PRKD1: variants seen among roughly 807,000 people sequenced by gnomAD.
PRKD1 encodes the protein serine/threonine-protein kinase D1.
Under a neutral mutation model 95.9 loss-of-function variants are expected in PRKD1, and 63 were observed. That is an observed-to-expected ratio of 0.66 (90% confidence interval 0.54 to 0.81). The LOEUF is 0.81. Ranked by LOEUF, PRKD1 falls within the 30% of genes least tolerant of loss-of-function variation. The pLI is 0.00. For missense variants in PRKD1, 1,048 were observed against 1,165.3 expected (o/e 0.90, Z 1.47); for synonymous variants, 425 against 423.1 (o/e 1.00, Z -0.05).
chr14:29,716,753 A>C (rs1300938760), intron 2 of PRKD1, among the ~76,000 whole-genome samples: 4 of 152,224 alleles, frequency 2.6e-5, no homozygotes, highest in Non-Finnish European at 4.4e-5. Context: ...ATGGTTGGGA[A>C]AACTGATTCA....
At chr14:29,841,239 G>A (rs1416020213) in intron 1 of PRKD1, among the ~76,000 whole-genome samples, 3 of 152,206 alleles carry the variant, frequency 2.0e-5, no homozygotes, top group African/African-American at 2.4e-5. Flanking sequence ...ATGAGACTTT[G>A]GACTGTGGAC....
chr14:29,817,542 T>C (rs74243232), intron 1 of PRKD1, among the ~76,000 whole-genome samples: 8,690 of 152,262 alleles, frequency 0.057, 397 homozygotes, highest in East Asian at 0.25. Context: ...AGACACAGTT[T>C]TAAGTATCTT....
At chr14:29,717,924 T>C (rs981042232) in intron 2 of PRKD1, among the ~76,000 whole-genome samples, 2 of 152,228 alleles carry the variant, frequency 1.3e-5, no homozygotes, top group Admixed American at 1.3e-4. Context: ...TATTGTGTCA[T>C]TGCTTCTCCA....
chr14:29,889,430 C>T (rs1273264556), intron 1 of PRKD1, among the ~76,000 whole-genome samples: 3 of 152,158 alleles, frequency 2.0e-5, no homozygotes, highest in African/African-American at 7.2e-5. Context: ...GGGGCATCAC[C>T]TCACCCGGGG....
intron 1 of PRKD1, among the ~76,000 whole-genome samples, chr14:29,808,522 C>T (rs568768549): frequency 1.3e-5 from 2 of 151,030 alleles, no homozygotes; most frequent in Admixed American, 1.3e-4. Flanking sequence ...GCATCAGCTT[C>T]CCAAGTAGCT....
chr14:29,903,559 C>T (rs7145714), intron 1 of PRKD1, among the ~76,000 whole-genome samples: 34,942 of 152,068 alleles, frequency 0.23, 7,638 homozygotes, highest in African/African-American at 0.58. Context: ...GAACCAAGCA[C>T]CTAAACACAT....
intron 1 of PRKD1, among the ~76,000 whole-genome samples, chr14:29,756,857 A>G (rs908390482): frequency 3.9e-5 from 6 of 152,226 alleles, no homozygotes; most frequent in African/African-American, 1.2e-4. Context: ...TCTTTCAGTT[A>G]GCTATTCTCA....
chr14:29,874,815 G>A (rs956345134), intron 1 of PRKD1, among the ~76,000 whole-genome samples: 1 of 152,138 alleles, frequency 6.6e-6, no homozygotes, highest in Non-Finnish European at 1.5e-5. Context: ...AAAATAGAAT[G>A]ACAGATAGAT....
intron 2 of PRKD1, among the ~76,000 whole-genome samples, chr14:29,707,265 G>C (rs1885137478): frequency 6.6e-6 from 1 of 152,136 alleles, no homozygotes; most frequent in Non-Finnish European, 1.5e-5. Context: ...AATGAAATGA[G>C]AGGGAACAAA....
intron 1 of PRKD1, among the ~76,000 whole-genome samples, chr14:29,848,832 TAA>T (rs1163326460): frequency 6.9e-6 from 1 of 145,762 alleles, no homozygotes; most frequent in Non-Finnish European, 1.6e-5. Context: ...AAGATGTAGA[TAA>T]AGTCAATAAA....
chr14:29,629,485 CAT>C (rs1372452156), intron 10 of PRKD1, among the ~76,000 whole-genome samples: 8 of 151,978 alleles, frequency 5.3e-5, no homozygotes, highest in African/African-American at 1.5e-4. Context: ...ATAGAGGTCT[CAT>C]ATAAAGTGCT....
intron 13 of PRKD1, among the ~76,000 whole-genome samples, chr14:29,605,861 T>C (rs1304048906): frequency 6.6e-6 from 1 of 152,216 alleles, no homozygotes. Context: ...TATTTAGTGA[T>C]AGTACATTTT....
intron 13 of PRKD1, among the ~76,000 whole-genome samples, chr14:29,607,926 G>C (rs1184628759): frequency 6.6e-6 from 1 of 152,096 alleles, no homozygotes; most frequent in Non-Finnish European, 1.5e-5. Flanking sequence ...TCCACTATTT[G>C]GTCTGCCTAA....
At chr14:29,587,822 CTTT>C (rs1892988893) in intron 16 of PRKD1, among the ~76,000 whole-genome samples, 1 of 152,032 alleles carries the variant, frequency 6.6e-6, no homozygotes, top group African/African-American at 2.4e-5. Context: ...ATAAAATATT[CTTT>C]TATTAAAATT....
At chr14:29,925,508 T>C (rs1895265465) in intron 1 of PRKD1, among the ~76,000 whole-genome samples, 1 of 152,126 alleles carries the variant, frequency 6.6e-6, no homozygotes, top group Admixed American at 6.5e-5. Context: ...CCCTCTGCTC[T>C]CGTCTCACTC....
At chr14:29,787,415 T>C (rs1594518975) in intron 1 of PRKD1, among the ~76,000 whole-genome samples, 1 of 152,124 alleles carries the variant, frequency 6.6e-6, no homozygotes, top group South Asian at 2.1e-4. Context: ...ATCTTTCCAG[T>C]GCTAACAGTG....
intron 4 of PRKD1, among the ~76,000 whole-genome samples, chr14:29,639,295 G>C (rs1456547941): frequency 6.6e-6 from 1 of 152,294 alleles, no homozygotes; most frequent in African/African-American, 2.4e-5. Flanking sequence ...AAGCATTTAT[G>C]AAAGACAGAA....
At chr14:29,634,387 G>A (rs1329169007) in intron 8 of PRKD1, 31 bp downstream of exon 8, 4 of 1,613,448 alleles carry the variant, frequency 2.5e-6, no homozygotes, top group Non-Finnish European at 3.4e-6. Context: ...AGCTAGCAAG[G>A]CAAGAGAACA....
intron 1 of PRKD1, among the ~76,000 whole-genome samples, chr14:29,826,712 T>C (rs188159972): frequency 0.15 from 5,574 of 37,350 alleles, 770 homozygotes; most frequent in African/African-American, 0.2. Flanking sequence ...TATATACACA[T>C]ATATATATAC....
Sources: gnomAD v4.1 joint callset for allele counts (sites outside exome capture counted in the v4.1 genomes callset) on GRCh38, gnomAD v4.1.1 for gene constraint, MANE v1.5 for transcripts, NCBI Gene and HGNC (gene_info 2026-07-23, HGNC 2026-07-21) for gene names.